SUCLG2: variants seen among roughly 807,000 people sequenced by gnomAD.
SUCLG2 encodes succinate--CoA ligase [GDP-forming] subunit beta, mitochondrial.
Under a neutral mutation model 47.9 loss-of-function variants are expected in SUCLG2, and 42 were observed. The observed-to-expected ratio is 0.88, with a 90% CI of 0.69 to 1.14. The LOEUF (loss-of-function observed/expected upper bound fraction) is 1.14. Among genes scored for constraint, SUCLG2 ranks in the 50% most tolerant of loss-of-function variants. SUCLG2 has a pLI of 0.00. For missense variants in SUCLG2, 571 were observed against 525.9 expected (o/e 1.09, Z -0.84); for synonymous variants, 195 against 197.3 (o/e 0.99, Z 0.10).
chr3:67,653,895 C>T (rs1427651356), intron 1 of SUCLG2, among the ~76,000 whole-genome samples: 1 of 152,218 alleles, frequency 6.6e-6, no homozygotes, highest in African/African-American at 2.4e-5. Context: ...GGTCAATGGT[C>T]TAATGCGTTT....
chr3:67,639,380 C>A (rs1002630905), intron 1 of SUCLG2, among the ~76,000 whole-genome samples: 2 of 152,020 alleles, frequency 1.3e-5, no homozygotes, highest in Non-Finnish European at 2.9e-5. Flanking sequence ...AAGTGTTAAA[C>A]CAGTTGTCCG....
At chr3:67,450,016 A>ACAG (rs1704018423) in intron 9 of SUCLG2, among the ~76,000 whole-genome samples, 1 of 131,932 alleles carries the variant, frequency 7.6e-6, no homozygotes, top group South Asian at 2.7e-4. Flanking sequence ...AGATAATAAA[A>ACAG]TACAAAAAAA....
At chr3:67,365,035 G>C (rs1430840256) in intron 10 of SUCLG2, among the ~76,000 whole-genome samples, 2 of 152,150 alleles carry the variant, frequency 1.3e-5, no homozygotes, top group South Asian at 4.1e-4. Flanking sequence ...TGGATGAGCT[G>C]AACAGCAAAA....
At chr3:67,556,391 T>C (rs1388772079) in intron 2 of SUCLG2, among the ~76,000 whole-genome samples, 1 of 152,208 alleles carries the variant, frequency 6.6e-6, no homozygotes, top group African/African-American at 2.4e-5. Flanking sequence ...AAATGCAGTA[T>C]CACGTTTGTA....
At chr3:67,550,915 G>A (rs1706997735) in intron 2 of SUCLG2, among the ~76,000 whole-genome samples, 2 of 152,074 alleles carry the variant, frequency 1.3e-5, no homozygotes, top group South Asian at 4.1e-4. Flanking sequence ...GTGGGGGCAG[G>A]GGCGGCGGCA....
At chr3:67,606,978 T>C (rs1700430216) in intron 2 of SUCLG2, among the ~76,000 whole-genome samples, 1 of 152,164 alleles carries the variant, frequency 6.6e-6, no homozygotes, top group Admixed American at 6.5e-5. Flanking sequence ...AGAACAACAA[T>C]TACTAGCTAA....
chr3:67,362,807 G>A (rs1472640794), intron 10 of SUCLG2, among the ~76,000 whole-genome samples: 1 of 152,144 alleles, frequency 6.6e-6, no homozygotes, highest in East Asian at 1.9e-4. Context: ...TACCTGAGAG[G>A]TACACAAATA....
intron 2 of SUCLG2, among the ~76,000 whole-genome samples, chr3:67,550,059 A>G (rs1357589445): frequency 6.6e-6 from 1 of 152,228 alleles, no homozygotes; most frequent in Admixed American, 6.5e-5. Flanking sequence ...AGTAACGGGC[A>G]AAATTGACAC....
intron 2 of SUCLG2, among the ~76,000 whole-genome samples, chr3:67,540,649 C>G (rs976875597): frequency 6.6e-6 from 1 of 152,196 alleles, no homozygotes; most frequent in Non-Finnish European, 1.5e-5. Context: ...TCCTGCCTCC[C>G]GGCTCTGAAT....
Position 67,406,056 on chromosome 3 carries a change from A to G in SUCLG2, c.1063-5205T>C, listed in dbSNP as rs548199480. ...TAGTCTCTTTGTGTTCATTACCACAACCAACTCTGCCATATACTTGTGAGA... is the reference window on the plus strand; with the variant it reads ...TAGTCTCTTTGTGTTCATTACCACAGCCAACTCTGCCATATACTTGTGAGA... On this transcript the variant is annotated intron_variant, in intron 9 of 10. Transcript: ENST00000307227. Among the ~76,000 whole-genome samples, 48 of 152,224 alleles carry G rather than the reference A, an allele frequency of 3.2e-4. No homozygotes were observed. In the South Asian group the frequency reaches 7.9e-3, roughly 25 times the overall value.
At chr3:67,379,804 C>T (rs1702113289) in intron 10 of SUCLG2, among the ~76,000 whole-genome samples, 1 of 152,164 alleles carries the variant, frequency 6.6e-6, no homozygotes, top group African/African-American at 2.4e-5. Context: ...TTCTAATCAC[C>T]ACCTCCCCAT....
chr3:67,535,772 A>C (rs1394528392), intron 2 of SUCLG2, among the ~76,000 whole-genome samples: 3 of 152,124 alleles, frequency 2.0e-5, no homozygotes, highest in African/African-American at 7.2e-5. Flanking sequence ...CCTCTTGCTA[A>C]CATCTCCACA....
At chr3:67,381,365 C>T (rs1167076753) in intron 10 of SUCLG2, among the ~76,000 whole-genome samples, 1 of 152,058 alleles carries the variant, frequency 6.6e-6, no homozygotes, top group Non-Finnish European at 1.5e-5. Context: ...AGGTTATTTT[C>T]TTCTTAATTC....
chr3:67,514,209 G>T, intron 6 of SUCLG2: 1 of 370,286 alleles, frequency 2.7e-6, no homozygotes, highest in South Asian at 2.5e-5. Context: ...TGGGAGCTTT[G>T]TGTGGAATTA....
chr3:67,593,805 T>C (rs1020054190), intron 2 of SUCLG2, among the ~76,000 whole-genome samples: 16 of 152,294 alleles, frequency 1.1e-4, no homozygotes, highest in African/African-American at 3.8e-4. Flanking sequence ...TTTTATAAGA[T>C]AGATAAGATC....
intron 2 of SUCLG2, among the ~76,000 whole-genome samples, chr3:67,588,700 T>TA (rs1226774198): frequency 1.3e-5 from 2 of 152,204 alleles, no homozygotes; most frequent in Non-Finnish European, 2.9e-5. Flanking sequence ...ACTTGATAGC[T>TA]AAATATATGA....
intron 4 of SUCLG2, among the ~76,000 whole-genome samples, chr3:67,522,720 G>A (rs1166649289): frequency 6.7e-6 from 1 of 148,588 alleles, no homozygotes; most frequent in Admixed American, 6.7e-5. Context: ...CTGGAGTGCA[G>A]TGGCGCGATC....
In SUCLG2 at chr3:67,379,330, A is replaced by G. The variant is rs765884329; in HGVS notation, c.1184-3471T>C. ...TTCTTTTGAGCACCTTCCAATCTCAATGCAGCTCTAAGACCTCCAGATAGG... is the reference window on the plus strand; with the variant it reads ...TTCTTTTGAGCACCTTCCAATCTCAGTGCAGCTCTAAGACCTCCAGATAGG... On this transcript the variant is annotated intron_variant, in intron 10 of 10. Transcript: ENST00000307227. Among the ~76,000 whole-genome samples, 20 of 152,212 alleles carry G rather than the reference A, an allele frequency of 1.3e-4. 1 individual carries two copies. The highest frequency in any genetic ancestry group is 3.3e-4 in the Admixed American group (5 of 15,290).
At chr3:67,624,448 T>A (rs1360103597) in intron 1 of SUCLG2, among the ~76,000 whole-genome samples, 1 of 152,238 alleles carries the variant, frequency 6.6e-6, no homozygotes, top group Non-Finnish European at 1.5e-5. Context: ...CTTAGATGCT[T>A]TTAAAGAAAA....
Sources: gnomAD v4.1 joint callset for allele counts (sites outside exome capture counted in the v4.1 genomes callset) on GRCh38, gnomAD v4.1.1 for gene constraint, MANE v1.5 for transcripts, NCBI Gene and HGNC (gene_info 2026-07-23, HGNC 2026-07-21) for gene names.